The following ZNF728 variants were observed in gnomAD, a reference collection of about 807,000 sequenced individuals.
The protein encoded by ZNF728 is zinc finger protein 728.
In ZNF728, 12 loss-of-function variants were observed where a neutral mutation model predicts 12.5. The observed-to-expected ratio is 0.96, with a 90% CI of 0.61 to 1.55. The LOEUF is 1.55. Ranked by LOEUF, ZNF728 falls within the 40% of genes most tolerant of loss-of-function variation. The pLI is 0.00. For missense variants in ZNF728, 692 were observed against 719.2 expected, an observed-to-expected ratio of 0.96 and a Z score of 0.43; for synonymous variants, 205 against 240.7, an observed-to-expected ratio of 0.85 and a Z score of 1.37.
chr19:22,992,250 T>TC (rs2145348013), intron 1 of ZNF728, among the ~76,000 whole-genome samples: 1 of 152,266 alleles, frequency 6.6e-6, no homozygotes, highest in South Asian at 2.1e-4. Flanking sequence ...CTTTTCTTTT[T>TC]CCTTTTTTTT....
At chr19:22,999,635 AAAAT>A (rs1349805292) in intron 1 of ZNF728, among the ~76,000 whole-genome samples, 2 of 152,240 alleles carry the variant, frequency 1.3e-5, no homozygotes, top group African/African-American at 2.4e-5. Context: ...AAAATCCAGC[AAAAT>A]GATTCAAAAA....
rs867030110 is a variant in ZNF728 at position 22,987,394 on chromosome 19, G to T, written c.140C>A (p.Ala47Asp). ...AAAAATGATCAGGTCTGGCTTAGGG[G>T]CAGCAATACCTGTTTTATTAAAAAT... Reference protein sequence around the residue: ...YRNLVFLGIAAPKPDLIIFLE... With the variant: ...YRNLVFLGIADPKPDLIIFLE... The change falls in exon 3 of 4, where the codon GCC becomes GAC. Residue 47 changes from alanine (A) to aspartate (D), a missense_variant. Ala to Asp is a moderately radical substitution (Grantham distance 126). This residue lies in a region of ZNF728 where 440 missense variants were observed against 459.6 expected (regional missense o/e 0.96). Transcript: ENST00000594710. The T allele has an allele frequency of 1.3e-6, 2 of 1,598,600 alleles. No individual in the cohort carries two copies. Among genetic ancestry groups the T allele is most frequent in the South Asian group, 1.1e-5 (1 of 87,954 alleles).
intron 1 of ZNF728, among the ~76,000 whole-genome samples, chr19:22,991,010 G>T (rs1021085446): frequency 6.6e-6 from 1 of 152,080 alleles, no homozygotes. Flanking sequence ...TTCCCACTGG[G>T]CTTATTATTA....
At chr19:22,987,557 A>G (rs1968931160) in intron 2 of ZNF728, among the ~76,000 whole-genome samples, 154 bp from the exon 3 acceptor site, 1 of 152,158 alleles carries the variant, frequency 6.6e-6, no homozygotes. Context: ...TTTAGAAAAC[A>G]CTCTAATTTT....
chr19:22,980,208 A>G (rs1968847814), intron 3 of ZNF728, among the ~76,000 whole-genome samples: 1 of 151,900 alleles, frequency 6.6e-6, no homozygotes, highest in African/African-American at 2.4e-5. Flanking sequence ...GAAACAAAAA[A>G]AAAAAAAACA....
At chr19:23,000,675 C>A (rs141753946) in intron 1 of ZNF728, among the ~76,000 whole-genome samples, 2,177 of 151,696 alleles carry the variant, frequency 0.014, 35 homozygotes, top group Non-Finnish European at 0.02. Context: ...CTCAAACAGC[C>A]TGGTCAACAT....
At chr19:23,002,174 G>A (rs1459159090) in intron 1 of ZNF728, among the ~76,000 whole-genome samples, 2 of 152,190 alleles carry the variant, frequency 1.3e-5, no homozygotes, top group Non-Finnish European at 2.9e-5. Context: ...AGTTAACGGG[G>A]CGTGGTGGCG....
chr19:22,985,337 A>C (rs1968904781), intron 3 of ZNF728, among the ~76,000 whole-genome samples: 2 of 152,188 alleles, frequency 1.3e-5, no homozygotes, highest in Admixed American at 1.3e-4. Flanking sequence ...AAAATGTCTT[A>C]ATGAGAGAAC....
chr19:22,979,441 T>G (rs776874945), intron 3 of ZNF728, among the ~76,000 whole-genome samples: 10 of 152,094 alleles, frequency 6.6e-5, no homozygotes, highest in Non-Finnish European at 1.3e-4. Flanking sequence ...AAAACACTCT[T>G]CAGGATATCA....
At chr19:22,990,537 T>C (rs1485728364) in intron 1 of ZNF728, among the ~76,000 whole-genome samples, 1 of 151,730 alleles carries the variant, frequency 6.6e-6, no homozygotes, top group African/African-American at 2.4e-5. Flanking sequence ...AGCCATCCCC[T>C]GACACAGGCA....
chr19:22,993,930 T>A (rs1969020029), intron 1 of ZNF728, among the ~76,000 whole-genome samples: 1 of 152,186 alleles, frequency 6.6e-6, no homozygotes, highest in Non-Finnish European at 1.5e-5. Flanking sequence ...AGACCTAGAT[T>A]TAGAATTTGG....
rs1969133796 is a variant in ZNF728 at position 23,003,174 on chromosome 19, A to T, written c.-144T>A. 4.0e-6 allele frequency: 4 copies of T among 1,001,884 alleles called. No homozygotes were observed. The South Asian group carries it at 5.6e-5, about 14-fold the overall frequency. The allele number at this position is 1,001,884 out of a possible 1,614,324, so 62.1% of individuals were successfully genotyped here. The stretch of plus-strand genomic sequence containing the variant: ...TTGACCTCCGCGTGCAGCGAGAGCC[A>T]ACGGTCCTACCACATCCCGGAAGCC... On this transcript the variant is annotated 5_prime_UTR_variant, in exon 1 of 4. Transcript: ENST00000594710.
intron 1 of ZNF728, chr19:22,995,344 TAAG>T (rs2145351552): frequency 6.6e-6 from 1 of 152,260 alleles, no homozygotes; most frequent in African/African-American, 2.4e-5. Flanking sequence ...AATATCTCCC[TAAG>T]AAGAATTTCT....
chr19:22,990,982 C>T (rs1968981077), intron 1 of ZNF728, among the ~76,000 whole-genome samples: 1 of 152,154 alleles, frequency 6.6e-6, no homozygotes, highest in South Asian at 2.1e-4. Context: ...AACAAGTGCG[C>T]TGTCAGTAAT....
At chr19:22,988,242 CT>C in intron 2 of ZNF728, 82 bp downstream of exon 2, 1 of 1,596,374 alleles carries the variant, frequency 6.3e-7, no homozygotes, top group South Asian at 1.1e-5. Flanking sequence ...TGCATTCATC[CT>C]CCTTTGTCCA....
chr19:22,999,578 T>C (rs2132818), intron 1 of ZNF728, among the ~76,000 whole-genome samples: 19,131 of 152,202 alleles, frequency 0.13, 1,223 homozygotes, highest in Non-Finnish European at 0.15. Flanking sequence ...CAAGCTTTAA[T>C]TACCATGTCA....
At chr19:23,001,725 T>C (rs568809412) in intron 1 of ZNF728, among the ~76,000 whole-genome samples, 1 of 152,310 alleles carries the variant, frequency 6.6e-6, no homozygotes, top group African/African-American at 2.4e-5. Context: ...TGCCATCAAA[T>C]GCTTTGTCAA....
At chr19:23,002,619 G>A (rs575670817) in intron 1 of ZNF728, among the ~76,000 whole-genome samples, 116 of 152,180 alleles carry the variant, frequency 7.6e-4, no homozygotes, top group Non-Finnish European at 1.1e-3. Flanking sequence ...TTTGTGCGGT[G>A]ACTTCTGCAA....
At chr19:22,992,316 C>T (rs2145348131) in intron 1 of ZNF728, among the ~76,000 whole-genome samples, 1 of 149,536 alleles carries the variant, frequency 6.7e-6, no homozygotes, top group South Asian at 2.1e-4. Context: ...GATCTCGGCT[C>T]ACTGCAGCCT....
Sources: allele counts gnomAD v4.1 joint callset (sites outside exome capture counted in the v4.1 genomes callset), GRCh38; gene constraint gnomAD v4.1.1; regional missense constraint gnomAD v4.1.1; transcripts MANE v1.5; gene names NCBI Gene and HGNC (gene_info 2026-07-23, HGNC 2026-07-21).